FOXO3: variants seen among roughly 807,000 people sequenced by gnomAD.
The protein encoded by FOXO3 is forkhead box O3.
FOXO3 carries 4 observed loss-of-function variants against 41.9 expected under a neutral mutation model. The ratio of observed to expected loss-of-function variants is 0.10; its 90% CI spans 0.05 to 0.22. The LOEUF is 0.22. Among genes scored for constraint, FOXO3 ranks in the 10% least tolerant of loss-of-function variants. FOXO3 has a pLI of 1.00. For synonymous variants in FOXO3, 318 were observed against 389.3 expected, an observed-to-expected ratio of 0.82 and a Z score of 2.16; for missense variants, 534 against 906.8, an observed-to-expected ratio of 0.59 and a Z score of 5.28.
chr6:108,649,515 CTTTTTTTTT>C (rs886836999), intron 1 of FOXO3, among the ~76,000 whole-genome samples: 2 of 95,206 alleles, frequency 2.1e-5, no homozygotes, highest in Admixed American at 1.1e-4. Flanking sequence ...CCACCCTCAG[CTTTTTTTTT>C]TTTTTTTTTT....
intron 2 of FOXO3, 45 bp downstream of exon 2, chr6:108,664,934 AG>A: frequency 4.6e-6 from 7 of 1,530,882 alleles, no homozygotes; most frequent in Non-Finnish European, 6.2e-6. Context: ...TATGGGGATG[AG>A]GGGGGATCTC....
chr6:108,660,436 G>T (rs1778810503), intron 1 of FOXO3, among the ~76,000 whole-genome samples: 1 of 152,140 alleles, frequency 6.6e-6, no homozygotes, highest in African/African-American at 2.4e-5. Context: ...CTCAAACGCA[G>T]TTGTAGAAAT....
intron 1 of FOXO3, among the ~76,000 whole-genome samples, chr6:108,638,281 A>C (rs1195149072): frequency 8.5e-5 from 13 of 152,222 alleles, no homozygotes; most frequent in Admixed American, 8.5e-4. Flanking sequence ...TCCCCCTTTA[A>C]CCAGAGCTTG....
At chr6:108,654,746 T>C (rs530145968) in intron 1 of FOXO3, among the ~76,000 whole-genome samples, 3 of 152,300 alleles carry the variant, frequency 2.0e-5, no homozygotes, top group Non-Finnish European at 4.4e-5. Context: ...TCTTTTTTTT[T>C]TTTTTTAAGT....
intron 1 of FOXO3, among the ~76,000 whole-genome samples, chr6:108,650,430 CT>C (rs1562257999): frequency 6.6e-6 from 1 of 152,170 alleles, no homozygotes; most frequent in Non-Finnish European, 1.5e-5. Context: ...GTGTGTTCAG[CT>C]TTTATAGTCT....
chr6:108,667,363 G>A (rs1178439366), intron 2 of FOXO3, among the ~76,000 whole-genome samples: 2 of 152,180 alleles, frequency 1.3e-5, no homozygotes, highest in South Asian at 2.1e-4. Flanking sequence ...AAATGTAGAT[G>A]TTTGGCTTTT....
At chr6:108,644,942 T>G (rs1160868825) in intron 1 of FOXO3, among the ~76,000 whole-genome samples, 1 of 152,190 alleles carries the variant, frequency 6.6e-6, no homozygotes, top group East Asian at 1.9e-4. Context: ...ATAAAATCTA[T>G]GAATGAGACC....
At chr6:108,676,527 C>T (rs1044382245) in intron 2 of FOXO3, among the ~76,000 whole-genome samples, 2 of 152,174 alleles carry the variant, frequency 1.3e-5, no homozygotes, top group Non-Finnish European at 1.5e-5. Context: ...AGGCATGAGC[C>T]GCCATGCCTG....
intron 1 of FOXO3, among the ~76,000 whole-genome samples, chr6:108,596,288 T>C (rs919980807): frequency 4.0e-5 from 6 of 151,040 alleles, no homozygotes; most frequent in African/African-American, 1.5e-4. Flanking sequence ...AAAATGTGGT[T>C]ACCTAAGACA....
chr6:108,679,423 G>A (rs1308611675), intron 2 of FOXO3, among the ~76,000 whole-genome samples: 1 of 152,108 alleles, frequency 6.6e-6, no homozygotes, highest in Non-Finnish European at 1.5e-5. Context: ...GGCTCTCCTT[G>A]TTTTAGCATG....
intron 1 of FOXO3, among the ~76,000 whole-genome samples, chr6:108,572,671 G>T (rs59295219): frequency 0.016 from 2,432 of 152,014 alleles, 64 homozygotes; most frequent in African/African-American, 0.056. Context: ...AGAGATATGT[G>T]TAGTTTTTGC....
chr6:108,574,170 A>G (rs72940679), intron 1 of FOXO3, among the ~76,000 whole-genome samples: 7,370 of 151,466 alleles, frequency 0.049, 309 homozygotes, highest in South Asian at 0.21. Flanking sequence ...AAAAAAAAAA[A>G]AAGAAGAATT....
At chr6:108,655,654 T>C (rs1404587024) in intron 1 of FOXO3, among the ~76,000 whole-genome samples, 1 of 152,170 alleles carries the variant, frequency 6.6e-6, no homozygotes, top group Non-Finnish European at 1.5e-5. Flanking sequence ...GAACTACTAC[T>C]GAAGGGAAAT....
intron 1 of FOXO3, among the ~76,000 whole-genome samples, chr6:108,570,523 C>T (rs960483792): frequency 1.4e-4 from 21 of 152,124 alleles, no homozygotes; most frequent in African/African-American, 5.1e-4. Context: ...GATATGAGGT[C>T]TCACTTTGTT....
At chr6:108,614,342 A>G (rs1183382199) in intron 1 of FOXO3, among the ~76,000 whole-genome samples, 27 of 152,136 alleles carry the variant, frequency 1.8e-4, no homozygotes, top group Admixed American at 1.8e-3. Flanking sequence ...TCATGTTTTT[A>G]ACAAACTTTA....
At chr6:108,642,660 TA>T (rs1415778131) in intron 1 of FOXO3, among the ~76,000 whole-genome samples, 1 of 151,964 alleles carries the variant, frequency 6.6e-6, no homozygotes, top group African/African-American at 2.4e-5. Context: ...AGACTGAAAA[TA>T]AAAAAAGTTC....
intron 1 of FOXO3, among the ~76,000 whole-genome samples, chr6:108,634,870 TTATA>T (rs1778078455): frequency 6.6e-6 from 1 of 152,096 alleles, no homozygotes. Context: ...GGTATACCTT[TTATA>T]TAAAGTTTAA....
rs142068346 is a variant in FOXO3, at chr6:108,583,767, A to G, written c.621+21938A>G. ...GCCACTTCTAGTCACTTTAAATGTT[A>G]CCAAGATTTCAGTCTCATTGCCGAT... is the stretch of plus-strand genomic sequence containing the variant. On this transcript the variant is annotated intron_variant, in intron 1 of 2. Transcript: ENST00000406360. 1.8e-3 allele frequency among the ~76,000 whole-genome samples: 274 copies of G among 152,348 alleles called. 2 individuals are homozygous for G. The highest frequency in any genetic ancestry group is 2.4e-3 in the Non-Finnish European group (160 of 68,030).
At chr6:108,632,880 G>A (rs1778015682) in intron 1 of FOXO3, among the ~76,000 whole-genome samples, 1 of 152,074 alleles carries the variant, frequency 6.6e-6, no homozygotes, top group South Asian at 2.1e-4. Flanking sequence ...GTTTATGTGT[G>A]TTTTATAAAA....
Sources: gnomAD v4.1 joint callset for allele counts (sites outside exome capture counted in the v4.1 genomes callset) on GRCh38, gnomAD v4.1.1 for gene constraint, MANE v1.5 for transcripts, NCBI Gene and HGNC (gene_info 2026-07-23, HGNC 2026-07-21) for gene names.